GAP43: variants seen among roughly 807,000 people sequenced by gnomAD.
GAP43 encodes neuromodulin.
A neutral mutation model predicts 18.6 loss-of-function variants in GAP43; 6 were observed. That is an observed-to-expected ratio of 0.32 (90% CI 0.18 to 0.64). The LOEUF (loss-of-function observed/expected upper bound fraction) is 0.64. GAP43 is among the 30% of genes least tolerant of loss of function. The pLI, the probability that GAP43 is intolerant of heterozygous loss-of-function variation, is 0.78. For synonymous variants in GAP43, 115 were observed against 111.4 expected, an observed-to-expected ratio of 1.03 and a Z score of -0.20; for missense variants, 292 against 295.5, an observed-to-expected ratio of 0.99 and a Z score of 0.09.
Position 115,721,022 on chromosome 3 carries a change from T to C in GAP43, c.*140T>C. 2 of 361,466 alleles carry C rather than the reference T, an allele frequency of 5.5e-6. No individual in the cohort carries two copies. 22.4% of individuals were successfully genotyped at this position (361,466 alleles called of 1,614,324 possible). ...TCTGTCCTTTCCCACCCACTAGCCC[T>C]CTTTCTCTCTGTGTGGCAAACATTT... On this transcript the variant is annotated 3_prime_UTR_variant, in exon 3 of 3. Coordinates refer to ENST00000305124, the MANE Select transcript of GAP43 (RefSeq NM_002045.4).
intron 2 of GAP43, among the ~76,000 whole-genome samples, chr3:115,684,490 G>A (rs754130059): frequency 2.6e-5 from 4 of 152,240 alleles, no homozygotes; most frequent in African/African-American, 7.2e-5. Context: ...AAGCACATAT[G>A]TATACACACA....
chr3:115,649,154 G>A (rs931723735), intron 1 of GAP43, among the ~76,000 whole-genome samples: 8 of 152,158 alleles, frequency 5.3e-5, no homozygotes, highest in Non-Finnish European at 7.4e-5. Flanking sequence ...GCTGATCCAG[G>A]CACCAACAGG....
At chr3:115,656,393 A>G (rs9834921) in intron 1 of GAP43, among the ~76,000 whole-genome samples, 11,232 of 152,162 alleles carry the variant, frequency 0.074, 631 homozygotes, top group Middle Eastern at 0.17. Flanking sequence ...GATGCAGCCC[A>G]CTAGCACATT....
intron 1 of GAP43, among the ~76,000 whole-genome samples, chr3:115,641,543 C>CACACACACACAT (rs148731356): frequency 0.14 from 21,366 of 150,156 alleles, 1,757 homozygotes; most frequent in South Asian, 0.23. Context: ...CACACACACA[C>CACACACACACAT]GGTGCTTTCC....
intron 1 of GAP43, among the ~76,000 whole-genome samples, chr3:115,661,520 GCT>G (rs1302126900): frequency 1.3e-5 from 2 of 152,074 alleles, no homozygotes; most frequent in African/African-American, 2.4e-5. Context: ...GAGGAATCTC[GCT>G]CTGTCGCCCA....
chr3:115,711,463 T>C (rs776925540), intron 2 of GAP43, among the ~76,000 whole-genome samples: 5 of 151,064 alleles, frequency 3.3e-5, no homozygotes, highest in South Asian at 4.2e-4. Flanking sequence ...ATGATAAAGT[T>C]TGGGCACACG....
intron 1 of GAP43, among the ~76,000 whole-genome samples, chr3:115,670,478 CT>C (rs1370871128): frequency 6.6e-6 from 1 of 152,106 alleles, no homozygotes; most frequent in African/African-American, 2.4e-5. Flanking sequence ...ATCTATAGAA[CT>C]GGAGGAGGCT....
chr3:115,715,023 G>C (rs1302954139), intron 2 of GAP43, among the ~76,000 whole-genome samples: 1 of 152,078 alleles, frequency 6.6e-6, no homozygotes, highest in African/African-American at 2.4e-5. Context: ...TGGTAGAAGA[G>C]ACTAGCTAGT....
intron 2 of GAP43, 22 bp downstream of exon 2, chr3:115,676,632 A>T: frequency 6.5e-7 from 1 of 1,540,846 alleles, no homozygotes. Context: ...CGAGGGTCAG[A>T]TGCAATGGGT....
chr3:115,648,961 G>C (rs1195021430), intron 1 of GAP43, among the ~76,000 whole-genome samples: 2 of 152,086 alleles, frequency 1.3e-5, no homozygotes, highest in African/African-American at 4.8e-5. Context: ...GTTTAGTTGA[G>C]TAGTGAGGAT....
intron 1 of GAP43, among the ~76,000 whole-genome samples, chr3:115,629,456 G>T (rs2107464267): frequency 6.7e-6 from 1 of 148,704 alleles, no homozygotes; most frequent in Non-Finnish European, 1.5e-5. Flanking sequence ...TTCAGGCCTT[G>T]GTGCCTTCGC....
At chr3:115,688,456 A>T (rs565220959) in intron 2 of GAP43, among the ~76,000 whole-genome samples, 126 of 147,738 alleles carry the variant, frequency 8.5e-4, no homozygotes, top group African/African-American at 2.6e-3. Context: ...GATACTATTT[A>T]AAAAACTCTA....
At chr3:115,643,156 G>T (rs1019205844) in intron 1 of GAP43, among the ~76,000 whole-genome samples, 2 of 152,032 alleles carry the variant, frequency 1.3e-5, no homozygotes, top group Admixed American at 6.6e-5. Context: ...CTCATCATTT[G>T]CAAGGAGCTG....
At position 115,676,092 on chromosome 3, in the gene GAP43, A is replaced by G; in HGVS notation, c.110A>G (p.Lys37Arg). The G allele has an allele frequency of 6.2e-7, 1 of 1,614,218 alleles. No homozygotes were observed. Among genetic ancestry groups the G allele is most frequent in the Non-Finnish European group, 8.5e-7 (1 of 1,180,044 alleles). Residue 37 changes from lysine to arginine, a missense_variant, in exon 2 of 3, where the codon AAA becomes AGA. Coordinates refer to ENST00000305124, the MANE Select transcript of GAP43 (RefSeq NM_002045.4). ...GATAAAGCTCATAAGGCCGCAACCA[A>G]AATTCAGGCTAGCTTCCGTGGACAC... ...PEDKAHKAAT[K>R]IQASFRGHIT...
intron 1 of GAP43, among the ~76,000 whole-genome samples, chr3:115,670,681 A>G (rs1708805892): frequency 6.6e-6 from 1 of 152,216 alleles, no homozygotes; most frequent in Non-Finnish European, 1.5e-5. Flanking sequence ...TTTCACCTCA[A>G]TAAATTATTA....
chr3:115,638,687 C>A (rs1708359541), intron 1 of GAP43, among the ~76,000 whole-genome samples: 1 of 151,866 alleles, frequency 6.6e-6, no homozygotes, highest in Non-Finnish European at 1.5e-5. Context: ...TTATTTCATC[C>A]TTTCTCTCTT....
intron 2 of GAP43, among the ~76,000 whole-genome samples, chr3:115,697,564 A>G (rs1222770437): frequency 1.3e-5 from 2 of 152,196 alleles, no homozygotes; most frequent in Non-Finnish European, 2.9e-5. Context: ...TCACTGCTTC[A>G]CAAGCCCTCC....
chr3:115,629,470 T>C (rs1708235218), intron 1 of GAP43, among the ~76,000 whole-genome samples: 1 of 151,764 alleles, frequency 6.6e-6, no homozygotes, highest in Non-Finnish European at 1.5e-5. Flanking sequence ...CCTTCGCTTG[T>C]ACTCCACTCT....
intron 2 of GAP43, among the ~76,000 whole-genome samples, chr3:115,677,594 T>C (rs1708909558): frequency 6.6e-6 from 1 of 152,182 alleles, no homozygotes; most frequent in African/African-American, 2.4e-5. Context: ...TTCTCTAGTC[T>C]AATATGACCG....
Sources: allele counts gnomAD v4.1 joint callset (sites outside exome capture counted in the v4.1 genomes callset), GRCh38; gene constraint gnomAD v4.1.1; transcripts MANE v1.5; gene names NCBI Gene and HGNC (gene_info 2026-07-23, HGNC 2026-07-21).